Variants in C2orf74 observed in about 807,000 individuals in gnomAD.
C2orf74 encodes DPM1 ER membrane anchor 1.
C2orf74 carries 14 observed loss-of-function variants against 17.9 expected under a neutral mutation model. The ratio of observed to expected loss-of-function variants is 0.78; its 90% CI spans 0.52 to 1.22. C2orf74 has a LOEUF of 1.22. C2orf74 is among the 50% of genes most tolerant of loss of function. The probability of loss-of-function intolerance (pLI) is 0.00; values close to 1 mark genes in which losing one functional copy is unlikely to be tolerated. For synonymous variants in C2orf74, 79 were observed against 72.6 expected (o/e 1.09, Z -0.44); for missense variants, 217 against 218.4 (o/e 0.99, Z 0.04).
At chr2:61,164,238 C>A (rs928357874) in intron 4 of C2orf74, 116 bp from the exon 5 acceptor site, 1 of 817,142 alleles carries the variant, frequency 1.2e-6, no homozygotes, top group Non-Finnish European at 1.8e-6. Flanking sequence ...TTTCCTATAT[C>A]ATTTAGAAAT....
At chr2:61,146,272 G>A (rs931489073) in intron 1 of C2orf74, among the ~76,000 whole-genome samples, 24 of 152,142 alleles carry the variant, frequency 1.6e-4, no homozygotes, top group African/African-American at 4.6e-4. Flanking sequence ...AGCGAAAAAA[G>A]CCCAGGTGCC....
chr2:61,149,397 T>G (rs1351536116), intron 1 of C2orf74, among the ~76,000 whole-genome samples: 1 of 152,000 alleles, frequency 6.6e-6, no homozygotes, highest in Non-Finnish European at 1.5e-5. Context: ...CCGGGGTGTT[T>G]ATAAAAGTGC....
chr2:61,164,170 G>T (rs1729662), intron 4 of C2orf74, among the ~76,000 whole-genome samples, 184 bp from the exon 5 acceptor site: 1 of 151,922 alleles, frequency 6.6e-6, no homozygotes, highest in Non-Finnish European at 1.5e-5. Context: ...GAATATGTCA[G>T]TGTGTGCTTT....
chr2:61,145,874 T>C (rs1471890256), intron 1 of C2orf74, among the ~76,000 whole-genome samples: 1 of 152,198 alleles, frequency 6.6e-6, no homozygotes. Context: ...CAAATCATCA[T>C]GATTGGTGAA....
At chr2:61,153,609 C>A (rs1167861707) in intron 1 of C2orf74, among the ~76,000 whole-genome samples, 3 of 143,438 alleles carry the variant, frequency 2.1e-5, no homozygotes, top group Non-Finnish European at 3.0e-5. Context: ...AATGTATAAA[C>A]TGGGCGCGGT....
upstream of C2orf74, among the ~76,000 whole-genome samples, chr2:61,158,654 A>C (rs1685469750): frequency 6.6e-6 from 1 of 152,150 alleles, no homozygotes; most frequent in African/African-American, 2.4e-5. Context: ...CCAGTTGATT[A>C]AGATTGAGGG....
intron 1 of C2orf74, among the ~76,000 whole-genome samples, chr2:61,155,768 G>T (rs1274569245): frequency 6.6e-6 from 1 of 152,012 alleles, no homozygotes; most frequent in Non-Finnish European, 1.5e-5. Context: ...TATCCACCCG[G>T]CTTGGCCTCC....
At chr2:61,157,116 A>G (rs1685415066) in intron 1 of C2orf74, among the ~76,000 whole-genome samples, 1 of 151,476 alleles carries the variant, frequency 6.6e-6, no homozygotes, top group African/African-American at 2.4e-5. Context: ...GCTCACTGCA[A>G]CCTCCCCTCC....
intron 1 of C2orf74, 31 bp downstream of exon 1, chr2:61,162,351 T>G: frequency 1.6e-6 from 1 of 621,886 alleles, no homozygotes; most frequent in Non-Finnish European, 2.8e-6. Context: ...GCAGAGCATC[T>G]TTCATGAAGC....
upstream of C2orf74, among the ~76,000 whole-genome samples, chr2:61,161,035 A>C (rs1685548925): frequency 6.6e-6 from 1 of 152,206 alleles, no homozygotes; most frequent in African/African-American, 2.4e-5. Context: ...CCAACAGTGC[A>C]CAAGGTTCCA....
chr2:61,150,733 C>A (rs144879280), intron 1 of C2orf74, among the ~76,000 whole-genome samples: 1 of 152,152 alleles, frequency 6.6e-6, no homozygotes, highest in Non-Finnish European at 1.5e-5. Context: ...GGGGCAAGAA[C>A]TACAGGAGAG....
At chr2:61,155,779 CA>C (rs890725170) in intron 1 of C2orf74, among the ~76,000 whole-genome samples, 2 of 152,108 alleles carry the variant, frequency 1.3e-5, no homozygotes, top group African/African-American at 4.8e-5. Flanking sequence ...CTTGGCCTCC[CA>C]AAATGCTGGG....
intron 1 of C2orf74, among the ~76,000 whole-genome samples, chr2:61,155,022 A>G (rs1044820275): frequency 6.6e-6 from 1 of 152,104 alleles, no homozygotes; most frequent in African/African-American, 2.4e-5. Flanking sequence ...CTGAGATCAC[A>G]CCACTGCACT....
chr2:61,145,474 A>G (rs964110791), intron 1 of C2orf74, among the ~76,000 whole-genome samples: 1 of 152,076 alleles, frequency 6.6e-6, no homozygotes, highest in Non-Finnish European at 1.5e-5. Context: ...CCCAAGCTGG[A>G]GTGCAGTAAT....
intron 1 of C2orf74, among the ~76,000 whole-genome samples, chr2:61,156,049 A>C (rs943657974): frequency 6.6e-6 from 1 of 151,880 alleles, no homozygotes; most frequent in African/African-American, 2.4e-5. Flanking sequence ...AAATTAAAAA[A>C]TTAGCCAGGC....
chr2:61,150,459 G>A (rs1685192257), intron 1 of C2orf74, among the ~76,000 whole-genome samples: 1 of 152,152 alleles, frequency 6.6e-6, no homozygotes, highest in Admixed American at 6.5e-5. Context: ...GCACTAACAG[G>A]ATCATCCTGC....
At chr2:61,157,762 T>C (rs1429381652), upstream of C2orf74, 1 of 423,782 alleles carries the variant, frequency 2.4e-6, no homozygotes, top group South Asian at 1.8e-5. Flanking sequence ...GCCTGAGTCC[T>C]GTGTCCACTG....
intron 1 of C2orf74, among the ~76,000 whole-genome samples, chr2:61,149,613 C>G (rs1316492542): frequency 8.0e-6 from 1 of 124,346 alleles, no homozygotes; most frequent in African/African-American, 3.1e-5. Context: ...CAGTTTCGCT[C>G]TGTTGCCCAG....
rs915433693 is a variant in C2orf74, at chr2:61,149,432, A to G, written c.-122+4236A>G. Among the ~76,000 whole-genome samples the G allele has an allele frequency of 2.9e-4, 44 of 152,154 alleles. 1 individual carries two copies. The highest frequency in any genetic ancestry group is 2.6e-3 in the Admixed American group (39 of 15,282). ...CAACTTCAAGGTTTATTCCAGAGCT[A>G]AAGTCAGAAAAACTTTTGGCCCTTC... On this transcript the variant is annotated intron_variant, in intron 1 of 3. Transcript: ENST00000426997.
Sources: allele counts gnomAD v4.1 joint callset (sites outside exome capture counted in the v4.1 genomes callset), GRCh38; gene constraint gnomAD v4.1.1; transcripts MANE v1.5; gene names NCBI Gene and HGNC (gene_info 2026-07-23, HGNC 2026-07-21).